The following ATP6V1B1 variants were observed in gnomAD, a reference collection of about 807,000 sequenced individuals.
The protein encoded by ATP6V1B1 is V-type proton ATPase subunit B, kidney isoform.
In ATP6V1B1, 41 loss-of-function variants were observed where a neutral mutation model predicts 62.1. That is an observed-to-expected ratio of 0.66 (90% CI 0.51 to 0.86). The LOEUF is 0.86. Among genes scored for constraint, ATP6V1B1 ranks in the 40% least tolerant of loss-of-function variants. The pLI, the probability that ATP6V1B1 is intolerant of heterozygous loss-of-function variation, is 0.00. For missense variants in ATP6V1B1, 651 were observed against 697.5 expected (o/e 0.93, Z 0.75); for synonymous variants, 253 against 273.4 (o/e 0.93, Z 0.74).
chr2:70,941,729 G>A lies in ATP6V1B1; in HGVS notation c.119-1929G>A, dbSNP rs147145779. On this transcript the variant is annotated intron_variant, in intron 1 of 13. Coordinates refer to ENST00000234396, the MANE Select transcript of ATP6V1B1 (RefSeq NM_001692.4). ...AGAAAGGAAGCAGGGAGGGAAGGAA[G>A]AAGGCAGATCTCAGAGGAAAGGAGA... The A allele has an allele frequency of 2.3e-4, 228 of 985,566 alleles. 2 individuals are homozygous for A. In the African/African-American group the frequency reaches 3.7e-3, roughly 16 times the overall value. The allele number at this position is 985,566 out of a possible 1,614,324, so 61.1% of individuals were successfully genotyped here.
In ATP6V1B1 at chr2:70,961,331, G is replaced by C. The variant is rs2110405; in HGVS notation, c.688-265G>C. Among the ~76,000 whole-genome samples the C allele has an allele frequency of 0.39, 59,244 of 152,152 alleles. 13,074 individuals carry two copies. Among genetic ancestry groups the C allele is most frequent in the East Asian group, 0.65 (3,347 of 5,152 alleles). ...GGCAGAGCAGCAGCTGGCGACAGGAGGGGCAGGGATGGCACTGAGCAGAGC... is the reference window on the plus strand; with the variant it reads ...GGCAGAGCAGCAGCTGGCGACAGGACGGGCAGGGATGGCACTGAGCAGAGC... On this transcript the variant is annotated intron_variant, in intron 7 of 13. Coordinates refer to ENST00000234396, the MANE Select transcript of ATP6V1B1 (RefSeq NM_001692.4).
Position 70,943,664 on chromosome 2 carries a change from G to A in ATP6V1B1, c.125G>A (p.Arg42Lys). Residue 42 changes from arginine (R) to lysine (K), a missense_variant, in exon 2 of 14, where the codon AGG (arginine) becomes AAG (lysine). By Grantham distance (26) the Arg-to-Lys change is conservative. Coordinates refer to ENST00000234396, the MANE Select transcript of ATP6V1B1 (RefSeq NM_001692.4). ...NYITHPRVTY[R>K]TVCSVNGPLV... ...ACCCCCGCCCCTCCCCCAGCCTACA[G>A]GACTGTGTGCAGCGTGAACGGGCCC... 6.2e-7 allele frequency: 1 copy of A among 1,613,934 alleles called. No individual in the cohort carries two copies. The highest frequency in any genetic ancestry group is 2.2e-5 in the East Asian group (1 of 44,874).
intron 2 of ATP6V1B1, among the ~76,000 whole-genome samples, chr2:70,952,034 G>C (rs1680333723): frequency 6.6e-6 from 1 of 152,078 alleles, no homozygotes; most frequent in African/African-American, 2.4e-5. Flanking sequence ...AGGCATCTCT[G>C]TTACTGATTT....
intron 12 of ATP6V1B1, 52 bp from the exon 13 acceptor site, chr2:70,964,684 G>C: frequency 6.2e-7 from 1 of 1,612,702 alleles, no homozygotes; most frequent in Admixed American, 1.7e-5. Context: ...GGGGGCTACT[G>C]GACTCCCGTG....
chr2:70,964,130 T>TTTTTTTTTTG, intron 11 of ATP6V1B1: 1 of 306,494 alleles, frequency 3.3e-6, no homozygotes, highest in Non-Finnish European at 5.9e-6. Context: ...TTTTTTTTTT[T>TTTTTTTTTTG]TTTTTTGCAG....
rs782681801 is a variant in ATP6V1B1, at chr2:70,959,087, A to G, written c.437A>G (p.Asp146Gly). 2 of 1,614,090 alleles carry G rather than the reference A, an allele frequency of 1.2e-6. No individual in the cohort carries two copies. Among genetic ancestry groups the G allele is most frequent in the Non-Finnish European group, 1.7e-6 (2 of 1,180,006 alleles). The stretch of plus-strand genomic sequence containing the variant: ...GTGGTCATGGCGGAGGACTTTCTGG[A>G]TATCAATGGTGAGTGACTGGAGGTT... ...GPVVMAEDFL[D>G]INGQPINPHS... Residue 146 changes from aspartate (D) to glycine (G), a missense_variant, in exon 5 of 14, where the codon GAT becomes GGT. By Grantham distance (94) the Asp-to-Gly change is moderately conservative. Coordinates refer to ENST00000234396, the MANE Select transcript of ATP6V1B1 (RefSeq NM_001692.4). This position sits in a 1 kb window ranked among gnomAD's most constrained non-coding sequence, Gnocchi z 4.2.
In ATP6V1B1 at chr2:70,943,713, G is replaced by A; in HGVS notation, c.174G>A (p.Lys58=). 6.2e-7 allele frequency: 1 copy of A among 1,613,666 alleles called. No homozygotes were observed. Among genetic ancestry groups the A allele is most frequent in the South Asian group, 1.1e-5 (1 of 91,068 alleles). The change falls in exon 2 of 14, where the codon AAG becomes AAA. Residue 58 remains lysine, a splice_region_variant and synonymous_variant. Transcript: ENST00000234396. ...CCCTGGTGGTGCTGGACCGGGTCAAGGTAAGACTCTTCTGCTGCCTCCCTG... is the reference window on the plus strand; with the variant it reads ...CCCTGGTGGTGCTGGACCGGGTCAAAGTAAGACTCTTCTGCTGCCTCCCTG... ...NGPLVVLDRV[K]FAQYAEIVHF... is the part of the protein sequence containing the mutation.
chr2:70,962,837 G>T lies in ATP6V1B1; in HGVS notation c.846G>T (p.Gln282His). ...CCACTGCTGAATTCCTTGCCTACCA[G>T]TGTGAGAAGCATGTGCTGGTCATAC... ...ALTTAEFLAY[Q>H]CEKHVLVILT... The change falls in exon 9 of 14, where the codon CAG becomes CAT. Residue 282 changes from glutamine to histidine, a missense_variant. Gln to His is a conservative substitution (Grantham distance 24). Coordinates refer to ENST00000234396, the MANE Select transcript of ATP6V1B1 (RefSeq NM_001692.4). The T allele has an allele frequency of 6.2e-7, 1 of 1,614,192 alleles. No homozygotes were observed. The highest frequency in any genetic ancestry group is 8.5e-7 in the Non-Finnish European group (1 of 1,180,036).
intron 1 of ATP6V1B1, chr2:70,938,882 T>A (rs1679919188): frequency 1.2e-6 from 1 of 828,398 alleles, no homozygotes; most frequent in South Asian, 5.5e-5. Context: ...TCCCTGAAGA[T>A]CCCCCAGGAG....
intron 1 of ATP6V1B1, among the ~76,000 whole-genome samples, chr2:70,936,723 G>A (rs745918387): frequency 4.6e-5 from 7 of 152,180 alleles, no homozygotes; most frequent in Admixed American, 1.3e-4. Flanking sequence ...TGTGATGTAC[G>A]TGTGTGCATG....
In ATP6V1B1 at chr2:70,965,085, G is replaced by A. The variant is rs781820390; in HGVS notation, c.1506G>A (p.Gly502=). 3 of 1,612,650 alleles carry A rather than the reference G, an allele frequency of 1.9e-6. No individual in the cohort carries two copies. The Admixed American group carries it at 5.0e-5, about 27-fold the overall frequency. The change falls in exon 14 of 14, where the codon GGG becomes GGA. Residue 502 remains glycine (G), a synonymous_variant. Transcript: ENST00000234396. Reference sequence around the variant, plus strand: ...TCGACGAGTTCTATTCCCGCGAGGGGGCGCTGCAGGACCTCGCGCCTGACA... The same window carrying A: ...TCGACGAGTTCTATTCCCGCGAGGGAGCGCTGCAGGACCTCGCGCCTGACA... ...AVIDEFYSRE[G]ALQDLAPDTA...
chr2:70,940,640 T>C (rs1386405399), intron 1 of ATP6V1B1: 54 of 985,320 alleles, frequency 5.5e-5, no homozygotes, highest in Non-Finnish European at 6.4e-5. Flanking sequence ...TTGAGGAGTC[T>C]TCCTATGCCC....
At chr2:70,944,424 C>T (rs1294382065) in intron 2 of ATP6V1B1, among the ~76,000 whole-genome samples, 3 of 151,950 alleles carry the variant, frequency 2.0e-5, no homozygotes, top group African/African-American at 4.8e-5. Context: ...CCTCCCACCC[C>T]ACCTCCTAGC....
chr2:70,961,068 G>A (rs1553420012), intron 7 of ATP6V1B1, 46 bp downstream of exon 7: 1 of 1,530,806 alleles, frequency 6.5e-7, no homozygotes, highest in Non-Finnish European at 8.9e-7. Flanking sequence ...CTGTGAGCAG[G>A]CAGCCTGTCT....
intron 2 of ATP6V1B1, among the ~76,000 whole-genome samples, chr2:70,949,838 A>G (rs1553417984): frequency 6.6e-6 from 1 of 152,204 alleles, no homozygotes; most frequent in East Asian, 1.9e-4. Context: ...TCTCTGCCAT[A>G]CAGAAGTTTG....
chr2:70,961,129 G>C (rs1572921459), intron 7 of ATP6V1B1, 107 bp downstream of exon 7: 3 of 1,221,142 alleles, frequency 2.5e-6, no homozygotes, highest in Non-Finnish European at 3.5e-6. Flanking sequence ...TCAGTGTCCC[G>C]GCCAGCCAGG....
rs564245336 is a variant in ATP6V1B1, at chr2:70,943,356, G to A, written c.119-302G>A. 7 of 566,552 alleles carry A rather than the reference G, an allele frequency of 1.2e-5. No homozygotes were observed. In the African/African-American group the frequency reaches 1.3e-4, roughly 11 times the overall value. The allele number at this position is 566,552 out of a possible 1,614,324, so 35.1% of individuals were successfully genotyped here. Reference sequence around the variant, plus strand: ...GTGGGTGAGGTGGGGGTTGAAGCCAGAGGGGAAGCAGCCTCAGGGATGAGA... The same window carrying A: ...GTGGGTGAGGTGGGGGTTGAAGCCAAAGGGGAAGCAGCCTCAGGGATGAGA... On this transcript the variant is annotated intron_variant, in intron 1 of 13. Transcript: ENST00000234396.
chr2:70,960,182 G>A, intron 6 of ATP6V1B1, 104 bp downstream of exon 6: 1 of 1,540,490 alleles, frequency 6.5e-7, no homozygotes, highest in Non-Finnish European at 8.8e-7. Flanking sequence ...GGCAGGGGCT[G>A]GCAGGGCTGG....
At chr2:70,962,629 A>C in intron 8 of ATP6V1B1, 148 bp from the exon 9 acceptor site, 1 of 1,314,974 alleles carries the variant, frequency 7.6e-7, no homozygotes, top group South Asian at 1.2e-5. Flanking sequence ...GCCCTGGCCT[A>C]GGGGATGGGG....
Sources: gnomAD v4.1 joint callset for allele counts (sites outside exome capture counted in the v4.1 genomes callset) on GRCh38, gnomAD v4.1.1 for gene constraint, Gnocchi (gnomAD v3.1) non-coding constraint, MANE v1.5 for transcripts, NCBI Gene and HGNC (gene_info 2026-07-23, HGNC 2026-07-21) for gene names.